CNTN5: variants seen among roughly 807,000 people sequenced by gnomAD.
CNTN5 encodes the protein contactin 5.
Under a neutral mutation model 129.1 loss-of-function variants are expected in CNTN5, and 77 were observed. The ratio of observed to expected loss-of-function variants is 0.60; its 90% CI spans 0.50 to 0.72. The LOEUF is 0.72. CNTN5 is among the 30% of genes least tolerant of loss of function. The probability of loss-of-function intolerance (pLI) is 0.00; values close to 1 mark genes in which losing one functional copy is unlikely to be tolerated. For synonymous variants in CNTN5, 509 were observed against 465.6 expected, an observed-to-expected ratio of 1.09 and a Z score of -1.20; for missense variants, 1,478 against 1,328.8, an observed-to-expected ratio of 1.11 and a Z score of -1.75.
chr11:99,630,857 T>C (rs1470715896), intron 3 of CNTN5, among the ~76,000 whole-genome samples: 1 of 152,120 alleles, frequency 6.6e-6, no homozygotes, highest in Non-Finnish European at 1.5e-5. Flanking sequence ...ATTTGCTATT[T>C]TGGAGATAAA....
In CNTN5 at chr11:99,391,703, T is replaced by C. The variant is rs79670303; in HGVS notation, c.-71+66219T>C. Among the ~76,000 whole-genome samples, 265 of 152,166 alleles carry C rather than the reference T, an allele frequency of 1.7e-3. 3 individuals are homozygous for C. Among genetic ancestry groups the C allele is most frequent in the African/African-American group, 5.9e-3 (246 of 41,556 alleles). ...TGTTGAATTGAGATGATATTATTTA[T>C]AGCTGAACTGTGGAAAGGAGTCAGT... On this transcript the variant is annotated intron_variant, in intron 2 of 24. Coordinates refer to ENST00000524871, the MANE Select transcript of CNTN5 (RefSeq NM_014361.4).
intron 3 of CNTN5, among the ~76,000 whole-genome samples, chr11:99,611,345 C>G (rs915768396): frequency 1.3e-5 from 2 of 152,074 alleles, no homozygotes; most frequent in Non-Finnish European, 2.9e-5. Flanking sequence ...TAGAGATTCC[C>G]CCAAACAGAT....
At chr11:99,868,971 A>G (rs1164684198) in intron 6 of CNTN5, among the ~76,000 whole-genome samples, 1 of 152,172 alleles carries the variant, frequency 6.6e-6, no homozygotes, top group Non-Finnish European at 1.5e-5. Flanking sequence ...GTGATTTCAA[A>G]CACCAATTAA....
chr11:99,086,900 A>G (rs1217253521), intron 1 of CNTN5, among the ~76,000 whole-genome samples: 2 of 152,204 alleles, frequency 1.3e-5, no homozygotes, highest in Non-Finnish European at 2.9e-5. Context: ...TTTTACATAT[A>G]TAAATGAATA....
chr11:99,325,878 G>A (rs1865767942), intron 2 of CNTN5, among the ~76,000 whole-genome samples: 1 of 152,152 alleles, frequency 6.6e-6, no homozygotes, highest in African/African-American at 2.4e-5. Flanking sequence ...CTAGTGGATG[G>A]CTTTTGTGCT....
chr11:99,602,241 A>C (rs922819481), intron 3 of CNTN5, among the ~76,000 whole-genome samples: 6 of 152,092 alleles, frequency 3.9e-5, no homozygotes, highest in Non-Finnish European at 8.8e-5. Flanking sequence ...ATAATTTTGT[A>C]TATTAACTTC....
At chr11:99,840,636 GA>G (rs1271387950) in intron 4 of CNTN5, among the ~76,000 whole-genome samples, 1 of 152,006 alleles carries the variant, frequency 6.6e-6, no homozygotes, top group Non-Finnish European at 1.5e-5. Context: ...TCTGATAGAG[GA>G]AAAAAACACA....
At chr11:99,032,378 C>A (rs1863438768) in intron 1 of CNTN5, among the ~76,000 whole-genome samples, 2 of 149,552 alleles carry the variant, frequency 1.3e-5, no homozygotes, top group Admixed American at 6.7e-5. Flanking sequence ...TTTACAGTCC[C>A]ACCAACAGTG....
At chr11:99,408,004 T>C (rs780368872) in intron 2 of CNTN5, among the ~76,000 whole-genome samples, 5 of 152,124 alleles carry the variant, frequency 3.3e-5, no homozygotes, top group Non-Finnish European at 7.3e-5. Flanking sequence ...CTTTCAGTGA[T>C]ATGAAGTTAA....
chr11:99,660,228 A>G (rs181144763), intron 3 of CNTN5, among the ~76,000 whole-genome samples: 64 of 152,276 alleles, frequency 4.2e-4, no homozygotes, highest in African/African-American at 1.3e-3. Flanking sequence ...AGTGAAAAAA[A>G]TTATTTAATT....
rs550272682 is a variant in CNTN5, at chr11:99,425,864, C to A, written c.-71+100380C>A. Among the ~76,000 whole-genome samples the A allele has an allele frequency of 3.3e-3, 507 of 152,354 alleles. 3 individuals carry two copies. Among genetic ancestry groups the A allele is most frequent in the African/African-American group, 0.011 (465 of 41,584 alleles). On this transcript the variant is annotated intron_variant, in intron 2 of 24. Coordinates refer to ENST00000524871, the MANE Select transcript of CNTN5 (RefSeq NM_014361.4). ...CACATAGCCCTGGCTACTCCTCCCC[C>A]ACTGCAGCCAGTGTCTTCACAGCGC...
intron 21 of CNTN5, among the ~76,000 whole-genome samples, chr11:100,319,068 G>A (rs1452264442): frequency 6.6e-6 from 1 of 151,594 alleles, no homozygotes; most frequent in East Asian, 1.9e-4. Context: ...AAACCCCAGA[G>A]ACCCAGTTTG....
intron 3 of CNTN5, among the ~76,000 whole-genome samples, chr11:99,799,197 A>T (rs2135472212): frequency 6.6e-6 from 1 of 151,942 alleles, no homozygotes; most frequent in Non-Finnish European, 1.5e-5. Context: ...TGGCAAAGAG[A>T]GGTAATGTCA....
chr11:100,260,233 A>G (rs1950167926), intron 17 of CNTN5, among the ~76,000 whole-genome samples: 1 of 152,210 alleles, frequency 6.6e-6, no homozygotes, highest in Non-Finnish European at 1.5e-5. Flanking sequence ...TACCCTCCCA[A>G]GAATAAACCA....
intron 8 of CNTN5, among the ~76,000 whole-genome samples, chr11:99,992,474 A>G (rs1047642902): frequency 2.0e-5 from 3 of 152,242 alleles, no homozygotes; most frequent in Non-Finnish European, 4.4e-5. Flanking sequence ...CCTCAGAAGG[A>G]CAAGTCACAT....
At chr11:100,108,495 C>T (rs565951987) in intron 13 of CNTN5, among the ~76,000 whole-genome samples, 5 of 152,144 alleles carry the variant, frequency 3.3e-5, no homozygotes, top group Admixed American at 1.3e-4. Context: ...ACTTGCTAAA[C>T]GAACTAATAA....
At chr11:99,341,981 A>G (rs183561266) in intron 2 of CNTN5, among the ~76,000 whole-genome samples, 184 of 152,310 alleles carry the variant, frequency 1.2e-3, no homozygotes, top group Non-Finnish European at 2.1e-3. Context: ...TTGAATTCTA[A>G]TAATAAAAGT....
chr11:99,858,545 C>T (rs1948110366), intron 6 of CNTN5, among the ~76,000 whole-genome samples: 2 of 151,716 alleles, frequency 1.3e-5, no homozygotes, highest in South Asian at 4.2e-4. Context: ...CCAAAGCTAT[C>T]AATGTTTCCC....
At chr11:99,575,143 G>A (rs1254378559) in intron 3 of CNTN5, among the ~76,000 whole-genome samples, 1 of 152,052 alleles carries the variant, frequency 6.6e-6, no homozygotes, top group Non-Finnish European at 1.5e-5. Flanking sequence ...CTCAAACTTG[G>A]GAACAACAGA....
Sources: allele counts gnomAD v4.1 joint callset (sites outside exome capture counted in the v4.1 genomes callset), GRCh38; gene constraint gnomAD v4.1.1; transcripts MANE v1.5; gene names NCBI Gene and HGNC (gene_info 2026-07-23, HGNC 2026-07-21).